HS3ST5: variants seen among roughly 807,000 people sequenced by gnomAD.
The protein encoded by HS3ST5 is heparan sulfate-glucosamine 3-sulfotransferase 5, also known as heparan sulfate glucosamine 3-O-sulfotransferase 5.
In HS3ST5, 10 loss-of-function variants were observed where a neutral mutation model predicts 25.4. The ratio of observed to expected loss-of-function variants is 0.39; its 90% CI spans 0.24 to 0.67. The LOEUF is 0.67. Among genes scored for constraint, HS3ST5 ranks in the 30% least tolerant of loss-of-function variants. The probability of loss-of-function intolerance (pLI) is 0.44; values close to 1 mark genes in which losing one functional copy is unlikely to be tolerated. For synonymous variants in HS3ST5, 170 were observed against 162.4 expected (o/e 1.05, Z -0.36); for missense variants, 324 against 420.7 (o/e 0.77, Z 2.01).
intron 3 of HS3ST5, among the ~76,000 whole-genome samples, chr6:114,134,494 T>G (rs935324092): frequency 9.9e-5 from 15 of 152,148 alleles, no homozygotes; most frequent in African/African-American, 3.6e-4. Flanking sequence ...GTAGGCAGAA[T>G]TTTTTGCATA....
At chr6:114,305,297 T>C (rs1178912254) in intron 1 of HS3ST5, among the ~76,000 whole-genome samples, 1 of 152,162 alleles carries the variant, frequency 6.6e-6, no homozygotes, top group Non-Finnish European at 1.5e-5. Flanking sequence ...TTTCTAATAC[T>C]TTTTTCTAAT....
At chr6:114,239,667 A>G (rs1432480105) in intron 1 of HS3ST5, among the ~76,000 whole-genome samples, 6 of 152,258 alleles carry the variant, frequency 3.9e-5, no homozygotes, top group Admixed American at 3.9e-4. Context: ...GTTGGCCTCC[A>G]TCTGGTCTAT....
At chr6:114,148,374 T>A (rs1170207888) in intron 3 of HS3ST5, among the ~76,000 whole-genome samples, 1 of 152,166 alleles carries the variant, frequency 6.6e-6, no homozygotes, top group Admixed American at 6.5e-5. Context: ...ATCCCAGCAC[T>A]TTGGGAAGCC....
intron 1 of HS3ST5, among the ~76,000 whole-genome samples, chr6:114,299,724 A>G (rs1188036953): frequency 6.6e-6 from 1 of 152,204 alleles, no homozygotes; most frequent in Non-Finnish European, 1.5e-5. Flanking sequence ...TTTGGAAGAG[A>G]TAAGACTGAG....
chr6:114,225,772 T>C lies in HS3ST5; in HGVS notation c.-145+2813A>G, dbSNP rs374985439. ...CAGGGAACTTTCAGTGGGTTTGCTG[T>C]TCATCTACATAAACTGTCACTTTTA... On this transcript the variant is annotated intron_variant, in intron 2 of 4. Transcript: ENST00000312719. 4.1e-4 allele frequency among the ~76,000 whole-genome samples: 62 copies of C among 152,046 alleles called. 1 individual carries two copies. The highest frequency in any genetic ancestry group is 1.4e-3 in the African/African-American group (59 of 41,558).
At chr6:114,154,464 C>T (rs772046154) in intron 3 of HS3ST5, among the ~76,000 whole-genome samples, 10 of 152,066 alleles carry the variant, frequency 6.6e-5, no homozygotes, top group Non-Finnish European at 1.5e-4. Flanking sequence ...TTGAAACCAA[C>T]CTGGGCAACA....
intron 3 of HS3ST5, among the ~76,000 whole-genome samples, chr6:114,103,069 GT>G (rs1775809421): frequency 6.6e-6 from 1 of 152,098 alleles, no homozygotes; most frequent in Non-Finnish European, 1.5e-5. Flanking sequence ...AATAACAATT[GT>G]TCAACCCTTT....
intron 1 of HS3ST5, among the ~76,000 whole-genome samples, chr6:114,289,252 A>G (rs1470513657): frequency 2.6e-5 from 4 of 152,146 alleles, no homozygotes; most frequent in Non-Finnish European, 5.9e-5. Flanking sequence ...TAAAAAAATA[A>G]TACACATTGG....
chr6:114,286,621 A>G (rs573545790), intron 1 of HS3ST5, among the ~76,000 whole-genome samples: 79 of 152,172 alleles, frequency 5.2e-4, no homozygotes, highest in Non-Finnish European at 9.4e-4. Flanking sequence ...AATTAAATGT[A>G]TAAGAAAATT....
intron 1 of HS3ST5, among the ~76,000 whole-genome samples, chr6:114,333,640 T>C (rs1225126935): frequency 6.6e-6 from 1 of 152,026 alleles, no homozygotes; most frequent in Non-Finnish European, 1.5e-5. Context: ...GGCTAATATA[T>C]ATATTTTTTT....
At chr6:114,273,462 G>A (rs1187259724) in intron 1 of HS3ST5, among the ~76,000 whole-genome samples, 2 of 151,994 alleles carry the variant, frequency 1.3e-5, no homozygotes, top group Non-Finnish European at 2.9e-5. Flanking sequence ...CCTATTGATG[G>A]TATTTAAGGC....
chr6:114,174,742 C>T (rs548411682), intron 2 of HS3ST5, among the ~76,000 whole-genome samples: 12 of 152,214 alleles, frequency 7.9e-5, no homozygotes, highest in African/African-American at 1.2e-4. Context: ...CTCCTGTAAT[C>T]CCAGCACTTT....
At chr6:114,062,711 G>T in intron 4 of HS3ST5, 28 bp downstream of exon 4, 1 of 1,389,212 alleles carries the variant, frequency 7.2e-7, no homozygotes, top group Non-Finnish European at 1.0e-6. Context: ...ATGTCACAGG[G>T]GTATAAGCAT....
intron 1 of HS3ST5, chr6:114,251,536 A>T (rs1365031958): frequency 6.6e-6 from 1 of 152,122 alleles, no homozygotes; most frequent in African/African-American, 2.4e-5. Flanking sequence ...AATTCCAAGC[A>T]TGTGGTTTGG....
rs541573607 is a variant in HS3ST5 at position 114,205,225 on chromosome 6, T to C, written c.-145+23360A>G. On this transcript the variant is annotated intron_variant, in intron 2 of 4. Coordinates refer to ENST00000312719, the MANE Select transcript of HS3ST5 (RefSeq NM_153612.4). ...TCAAGTCCTGGGTCCTCTGGCTACCTAGATTTCTGTCTGACTTGGTTACAA... is the reference window on the plus strand; with the variant it reads ...TCAAGTCCTGGGTCCTCTGGCTACCCAGATTTCTGTCTGACTTGGTTACAA... Among the ~76,000 whole-genome samples the C allele has an allele frequency of 2.6e-5, 4 of 152,320 alleles. No individual in the cohort carries two copies. In the East Asian group the frequency reaches 5.8e-4, roughly 22 times the overall value.
chr6:114,213,840 T>C (rs1781628819), intron 2 of HS3ST5, among the ~76,000 whole-genome samples: 1 of 152,216 alleles, frequency 6.6e-6, no homozygotes, highest in Admixed American at 6.5e-5. Flanking sequence ...TCAGTTCACA[T>C]ATGGTGAACT....
chr6:114,285,172 C>T lies in HS3ST5; in HGVS notation c.-338-56394G>A, dbSNP rs758715655. On this transcript the variant is annotated intron_variant, in intron 1 of 4. Coordinates refer to ENST00000312719, the MANE Select transcript of HS3ST5 (RefSeq NM_153612.4). Reference sequence around the variant, plus strand: ...AAAATGTGGAAATTACCTAAACTGTCGTCAACAAATGAATGTATTAAAAAT... The same window carrying T: ...AAAATGTGGAAATTACCTAAACTGTTGTCAACAAATGAATGTATTAAAAAT... 4.6e-5 allele frequency among the ~76,000 whole-genome samples: 7 copies of T among 151,942 alleles called. 1 individual carries two copies. The highest frequency in any genetic ancestry group is 7.4e-5 in the Non-Finnish European group (5 of 67,974).
chr6:114,187,910 CA>C (rs1323839757), intron 2 of HS3ST5, among the ~76,000 whole-genome samples: 2 of 152,104 alleles, frequency 1.3e-5, no homozygotes, highest in Non-Finnish European at 2.9e-5. Flanking sequence ...CCTCCACCAG[CA>C]AAAAGATTAG....
At chr6:114,293,035 T>C (rs1385774270) in intron 1 of HS3ST5, among the ~76,000 whole-genome samples, 1 of 152,044 alleles carries the variant, frequency 6.6e-6, no homozygotes, top group Non-Finnish European at 1.5e-5. Flanking sequence ...ATGATCATAA[T>C]ACAGTGTAAG....
Sources: allele counts gnomAD v4.1 joint callset (sites outside exome capture counted in the v4.1 genomes callset), GRCh38; gene constraint gnomAD v4.1.1; transcripts MANE v1.5; gene names NCBI Gene and HGNC (gene_info 2026-07-23, HGNC 2026-07-21).